Variants in KCNIP4 observed in about 807,000 individuals in gnomAD.
The protein encoded by KCNIP4 is potassium voltage-gated channel interacting protein 4.
KCNIP4 carries 12 observed loss-of-function variants against 34.0 expected under a neutral mutation model. The ratio of observed to expected loss-of-function variants is 0.35; its 90% CI spans 0.23 to 0.57. The LOEUF (loss-of-function observed/expected upper bound fraction) is 0.57, where lower values mean the gene tolerates loss of function less well. KCNIP4 is among the 20% of genes least tolerant of loss of function. The pLI, the probability that KCNIP4 is intolerant of heterozygous loss-of-function variation, is 0.83. For synonymous variants in KCNIP4, 124 were observed against 102.2 expected, an observed-to-expected ratio of 1.21 and a Z score of -1.29; for missense variants, 238 against 311.7, an observed-to-expected ratio of 0.76 and a Z score of 1.78.
intron 1 of KCNIP4, among the ~76,000 whole-genome samples, chr4:21,928,918 C>T (rs1729414825): frequency 6.6e-6 from 1 of 152,130 alleles, no homozygotes; most frequent in South Asian, 2.1e-4. Context: ...TGTATATCTA[C>T]AAACTGAGGG....
chr4:21,225,844 T>C (rs980616738), intron 1 of KCNIP4, among the ~76,000 whole-genome samples: 2 of 152,152 alleles, frequency 1.3e-5, no homozygotes, highest in Admixed American at 6.5e-5. Context: ...CTTAGTCAAC[T>C]TGCCAACGGC....
At chr4:20,758,676 A>C in intron 4 of KCNIP4, 145 bp downstream of exon 4, 1 of 636,694 alleles carries the variant, frequency 1.6e-6, no homozygotes, top group Non-Finnish European at 2.7e-6. Context: ...TGGTACATTA[A>C]AAATTATATA....
chr4:20,789,800 T>A (rs12331024), intron 3 of KCNIP4, among the ~76,000 whole-genome samples: 67,618 of 150,520 alleles, frequency 0.45, 15,748 homozygotes, highest in East Asian at 0.7. Flanking sequence ...AGATATTAGC[T>A]GAGCCATCAA....
chr4:21,616,253 T>G (rs2109161672), intron 1 of KCNIP4, among the ~76,000 whole-genome samples: 1 of 152,284 alleles, frequency 6.6e-6, no homozygotes, highest in Admixed American at 6.5e-5. Flanking sequence ...TTCTTCAAAT[T>G]TTGACTCAAA....
At chr4:21,936,092 A>G (rs925498764) in intron 1 of KCNIP4, among the ~76,000 whole-genome samples, 1 of 151,998 alleles carries the variant, frequency 6.6e-6, no homozygotes, top group African/African-American at 2.4e-5. Context: ...TATAAAAACT[A>G]TGAAGGAAAG....
chr4:21,495,808 T>C (rs1453743822), intron 1 of KCNIP4, among the ~76,000 whole-genome samples: 1 of 152,192 alleles, frequency 6.6e-6, no homozygotes. Flanking sequence ...AGAGAAAGAA[T>C]TATTCAATCA....
chr4:20,925,431 G>A (rs576765064), intron 1 of KCNIP4, among the ~76,000 whole-genome samples: 46 of 152,250 alleles, frequency 3.0e-4, no homozygotes, highest in African/African-American at 1.1e-3. Context: ...CCAAGATGGC[G>A]ATGAGAATGA....
chr4:21,142,587 G>A (rs554789395), intron 1 of KCNIP4, among the ~76,000 whole-genome samples: 2 of 152,234 alleles, frequency 1.3e-5, no homozygotes, highest in African/African-American at 4.8e-5. Flanking sequence ...AGAGCTCCTG[G>A]ATGTGTGAGC....
At chr4:21,346,079 T>TG in intron 1 of KCNIP4, among the ~76,000 whole-genome samples, 25 of 128,262 alleles carry the variant, frequency 1.9e-4, no homozygotes, top group African/African-American at 6.9e-4. Context: ...AATATATATA[T>TG]TTAAGATATT....
At chr4:20,748,168 C>G (rs548191095) in intron 5 of KCNIP4, among the ~76,000 whole-genome samples, 1 of 152,266 alleles carries the variant, frequency 6.6e-6, no homozygotes, top group East Asian at 1.9e-4. Context: ...ATAGTCCAAT[C>G]TCCTGCCTAA....
chr4:21,119,050 A>G lies in KCNIP4; in HGVS notation c.62-236341T>C, dbSNP rs192938922. On this transcript the variant is annotated intron_variant, in intron 1 of 8. Coordinates refer to ENST00000382152, the MANE Select transcript of KCNIP4 (RefSeq NM_025221.6). The stretch of plus-strand genomic sequence containing the variant: ...CATCATATGCAATGAACATTCAAGC[A>G]GGAATCAAGTTCAGTTAGGGAGAAA... Among the ~76,000 whole-genome samples the G allele has an allele frequency of 1.9e-3, 286 of 152,304 alleles. 1 individual carries two copies. The highest frequency in any genetic ancestry group is 6.5e-3 in the African/African-American group (272 of 41,584).
intron 3 of KCNIP4, among the ~76,000 whole-genome samples, chr4:20,827,202 G>T (rs1030016883): frequency 6.6e-6 from 1 of 152,198 alleles, no homozygotes; most frequent in Non-Finnish European, 1.5e-5. Context: ...CAGGCTGTGA[G>T]AAAAGCTAAG....
intron 1 of KCNIP4, among the ~76,000 whole-genome samples, chr4:21,920,253 A>G (rs1029549775): frequency 2.6e-5 from 4 of 152,186 alleles, no homozygotes; most frequent in African/African-American, 9.6e-5. Flanking sequence ...TTGTATCTGT[A>G]GGTTCCACAT....
chr4:21,194,161 TG>T (rs1254219668), intron 1 of KCNIP4, among the ~76,000 whole-genome samples: 3 of 152,192 alleles, frequency 2.0e-5, no homozygotes, highest in Non-Finnish European at 4.4e-5. Context: ...TTACTTTAAA[TG>T]TTTTTTTCCC....
chr4:20,743,490 GA>G (rs1476688679), intron 5 of KCNIP4, among the ~76,000 whole-genome samples: 1 of 152,118 alleles, frequency 6.6e-6, no homozygotes, highest in Admixed American at 6.6e-5. Flanking sequence ...TCTGATCTTT[GA>G]CAAACCTGAC....
chr4:20,833,773 T>A (rs1018815067), intron 3 of KCNIP4, among the ~76,000 whole-genome samples: 4 of 152,208 alleles, frequency 2.6e-5, no homozygotes, highest in Non-Finnish European at 4.4e-5. Context: ...CCTTCAAAAA[T>A]GTTTCTAAGG....
chr4:21,040,985 A>G lies in KCNIP4; in HGVS notation c.62-158276T>C, dbSNP rs180910774. Among the ~76,000 whole-genome samples, 25 of 150,974 alleles carry G rather than the reference A, an allele frequency of 1.7e-4. 1 individual carries two copies. Among genetic ancestry groups the G allele is most frequent in the South Asian group, 6.3e-4 (3 of 4,782 alleles). On this transcript the variant is annotated intron_variant, in intron 1 of 8. Transcript: ENST00000382152. Reference sequence around the variant, plus strand: ...AAAAAAAACATAAAAATTACCATGTAAGACCAGACCCATCAATGCCTTATA... The same window carrying G: ...AAAAAAAACATAAAAATTACCATGTGAGACCAGACCCATCAATGCCTTATA...
At chr4:21,286,900 C>T (rs1763156464) in intron 1 of KCNIP4, among the ~76,000 whole-genome samples, 1 of 152,152 alleles carries the variant, frequency 6.6e-6, no homozygotes, top group African/African-American at 2.4e-5. Flanking sequence ...GGGCTTAATA[C>T]ATCAACTCGG....
At chr4:20,810,731 G>C (rs1230502263) in intron 3 of KCNIP4, among the ~76,000 whole-genome samples, 1 of 152,134 alleles carries the variant, frequency 6.6e-6, no homozygotes, top group African/African-American at 2.4e-5. Context: ...ATGAGAATAA[G>C]ATGGATTGTC....
Sources: gnomAD v4.1 joint callset for allele counts (sites outside exome capture counted in the v4.1 genomes callset) on GRCh38, gnomAD v4.1.1 for gene constraint, MANE v1.5 for transcripts, NCBI Gene and HGNC (gene_info 2026-07-23, HGNC 2026-07-21) for gene names.